PATJ: variants seen among roughly 807,000 people sequenced by gnomAD.
The protein encoded by PATJ is PATJ crumbs cell polarity complex component.
Under a neutral mutation model 224.9 loss-of-function variants are expected in PATJ, and 190 were observed. The ratio of observed to expected loss-of-function variants is 0.84; its 90% CI spans 0.75 to 0.95. The LOEUF (loss-of-function observed/expected upper bound fraction) is 0.95, where lower values mean the gene tolerates loss of function less well. PATJ is among the 40% of genes least tolerant of loss of function. The pLI is 0.00. For synonymous variants in PATJ, 769 were observed against 820.3 expected (o/e 0.94, Z 1.07); for missense variants, 2,121 against 2,270.3 (o/e 0.93, Z 1.34).
At chr1:62,034,536 T>C (rs1649992496) in intron 29 of PATJ, among the ~76,000 whole-genome samples, 1 of 151,922 alleles carries the variant, frequency 6.6e-6, no homozygotes, top group Non-Finnish European at 1.5e-5. Context: ...GTTCTCCAGA[T>C]GTCATCCAGG....
chr1:62,138,072 G>C (rs758050684), intron 41 of PATJ, among the ~76,000 whole-genome samples: 2 of 152,116 alleles, frequency 1.3e-5, no homozygotes, highest in African/African-American at 2.4e-5. Context: ...ACCTCAGGTC[G>C]GCAATTACTA....
At chr1:62,124,079 T>TTTTCTC (rs1160442172) in intron 39 of PATJ, among the ~76,000 whole-genome samples, 2 of 152,026 alleles carry the variant, frequency 1.3e-5, no homozygotes, top group Admixed American at 6.6e-5. Flanking sequence ...AGTAGACTCT[T>TTTTCTC]TTTTTCTTTT....
chr1:61,789,924 G>A lies in PATJ; in HGVS notation c.1069-1424G>A, dbSNP rs186206694. 1.2e-3 allele frequency among the ~76,000 whole-genome samples: 182 copies of A among 152,250 alleles called. No individual in the cohort carries two copies. The Middle Eastern group carries it at 0.02, about 17-fold the overall frequency. ...AGAGACAAATGTGGATATGTGATAA[G>A]TGGAAACTTGATCCAATCAATTATT... On this transcript the variant is annotated intron_variant, in intron 8 of 43. Coordinates refer to ENST00000642238, the MANE Select transcript of PATJ (RefSeq NM_001350145.3).
chr1:62,006,136 C>T (rs555072905), intron 28 of PATJ, among the ~76,000 whole-genome samples: 108 of 151,866 alleles, frequency 7.1e-4, no homozygotes, highest in African/African-American at 2.2e-3. Flanking sequence ...TTTTTTGAGA[C>T]GCAGTCTTGC....
At chr1:62,002,733 A>AAGAGAGAG (rs1553238285) in intron 28 of PATJ, among the ~76,000 whole-genome samples, 1 of 130,672 alleles carries the variant, frequency 7.7e-6, no homozygotes, top group African/African-American at 3.2e-5. Flanking sequence ...AAAAAAAAAA[A>AAGAGAGAG]AGAGAGAGAG....
intron 41 of PATJ, among the ~76,000 whole-genome samples, chr1:62,143,524 C>T (rs1371813261): frequency 7.1e-6 from 1 of 139,920 alleles, no homozygotes; most frequent in East Asian, 2.1e-4. Flanking sequence ...GATCTCGGCT[C>T]ACTGCAACCT....
chr1:61,791,251 A>G, intron 8 of PATJ, 97 bp from the exon 9 acceptor site: 1 of 649,210 alleles, frequency 1.5e-6, no homozygotes, highest in South Asian at 2.2e-5. Context: ...CCTGCCATAG[A>G]TGCTAAGAAA....
intron 31 of PATJ, among the ~76,000 whole-genome samples, chr1:62,063,619 T>C (rs1484987848): frequency 6.6e-6 from 1 of 152,228 alleles, no homozygotes; most frequent in Non-Finnish European, 1.5e-5. Context: ...TTAACAATAT[T>C]GATTCATCCA....
chr1:61,857,933 A>T (rs577956281), intron 18 of PATJ, among the ~76,000 whole-genome samples: 23 of 152,220 alleles, frequency 1.5e-4, no homozygotes, highest in Admixed American at 6.5e-4. Context: ...TCTTTAATGT[A>T]TGAAACATTT....
intron 32 of PATJ, among the ~76,000 whole-genome samples, chr1:62,082,470 G>A (rs1659405478): frequency 6.6e-6 from 1 of 152,128 alleles, no homozygotes; most frequent in African/African-American, 2.4e-5. Context: ...CAAAACCTGT[G>A]CCTTTTCATC....
intron 14 of PATJ, among the ~76,000 whole-genome samples, chr1:61,822,278 C>T (rs1657424848): frequency 6.6e-6 from 1 of 151,846 alleles, no homozygotes; most frequent in African/African-American, 2.4e-5. Flanking sequence ...AAAAATTAGC[C>T]AGGCATGGTG....
intron 28 of PATJ, among the ~76,000 whole-genome samples, chr1:62,017,293 C>T (rs920219035): frequency 6.6e-6 from 1 of 151,568 alleles, no homozygotes; most frequent in African/African-American, 2.4e-5. Flanking sequence ...GCACACCTGT[C>T]GTCCCAGCTA....
intron 9 of PATJ, among the ~76,000 whole-genome samples, chr1:61,794,500 ATT>A (rs1289010535): frequency 6.6e-6 from 1 of 152,052 alleles, no homozygotes; most frequent in East Asian, 1.9e-4. Flanking sequence ...ATGCAGATCT[ATT>A]GTGTTTTATT....
At chr1:61,931,916 T>C (rs968592743) in intron 27 of PATJ, among the ~76,000 whole-genome samples, 1 of 152,246 alleles carries the variant, frequency 6.6e-6, no homozygotes, top group Admixed American at 6.5e-5. Context: ...GGAACATGTA[T>C]GTAAAACTGA....
chr1:62,043,281 C>G (rs1264918349), intron 30 of PATJ, among the ~76,000 whole-genome samples: 1 of 152,112 alleles, frequency 6.6e-6, no homozygotes, highest in Non-Finnish European at 1.5e-5. Flanking sequence ...TGATGCAGTG[C>G]TTGTGGTAAT....
At chr1:62,044,368 T>G (rs1652105746) in intron 30 of PATJ, among the ~76,000 whole-genome samples, 2 of 152,214 alleles carry the variant, frequency 1.3e-5, no homozygotes, top group Non-Finnish European at 2.9e-5. Context: ...ATTTCATTCT[T>G]TGGTTTCGGA....
intron 26 of PATJ, among the ~76,000 whole-genome samples, chr1:61,924,726 T>C (rs914210617): frequency 6.6e-6 from 1 of 152,194 alleles, no homozygotes; most frequent in African/African-American, 2.4e-5. Context: ...GCTCTGAAGG[T>C]AGGAAAATAT....
intron 27 of PATJ, among the ~76,000 whole-genome samples, chr1:61,946,598 C>T (rs1024199282): frequency 2.0e-5 from 3 of 152,112 alleles, no homozygotes; most frequent in African/African-American, 7.2e-5. Flanking sequence ...CAAACAAAGT[C>T]CAGGACCAGA....
intron 22 of PATJ, among the ~76,000 whole-genome samples, chr1:61,897,115 A>C (rs1334140274): frequency 1.3e-5 from 2 of 152,198 alleles, no homozygotes; most frequent in Non-Finnish European, 2.9e-5. Flanking sequence ...TATAAGTTCA[A>C]GTGAAAAAAA....
Sources: allele counts gnomAD v4.1 joint callset (sites outside exome capture counted in the v4.1 genomes callset), GRCh38; gene constraint gnomAD v4.1.1; transcripts MANE v1.5; gene names NCBI Gene and HGNC (gene_info 2026-07-23, HGNC 2026-07-21).